Variants in REV3L observed in about 807,000 individuals in gnomAD.
The protein encoded by REV3L is DNA polymerase zeta catalytic subunit.
REV3L carries 69 observed loss-of-function variants against 299.4 expected under a neutral mutation model. The observed-to-expected ratio is 0.23, with a 90% confidence interval of 0.19 to 0.28. The LOEUF is 0.28. Ranked by LOEUF, REV3L falls within the 10% of genes least tolerant of loss-of-function variation. The pLI is 1.00. For synonymous variants in REV3L, 1,238 were observed against 1,271.4 expected (o/e 0.97, Z 0.56); for missense variants, 3,128 against 3,693.8 (o/e 0.85, Z 3.97).
intron 1 of REV3L, among the ~76,000 whole-genome samples, chr6:111,464,934 G>A (rs540126564): frequency 5.3e-5 from 8 of 151,966 alleles, no homozygotes; most frequent in African/African-American, 1.9e-4. Context: ...CCTGGGAGAC[G>A]GAGGCTGCAG....
chr6:111,478,817 T>C (rs1793260953), intron 1 of REV3L, among the ~76,000 whole-genome samples: 1 of 152,176 alleles, frequency 6.6e-6, no homozygotes, highest in South Asian at 2.1e-4. Context: ...TACCAAAATA[T>C]TCACTAAGCT....
At chr6:111,377,328 A>ATATTTATT (rs10692925) in intron 12 of REV3L, among the ~76,000 whole-genome samples, 4 of 151,348 alleles carry the variant, frequency 2.6e-5, no homozygotes, top group Non-Finnish European at 3.0e-5. Flanking sequence ...TTTCAAAATC[A>ATATTTATT]TATTTATTTA....
Position 111,363,903 on chromosome 6 carries a change from C to T in REV3L, c.6829G>A (p.Gly2277Ser), listed in dbSNP as rs750738785. The T allele has an allele frequency of 2.5e-6, 4 of 1,612,956 alleles. No homozygotes were observed. The highest frequency in any genetic ancestry group is 1.3e-5 in the African/African-American group (1 of 74,906). ...AAGTTTTGTATGCTGACTTTGAAACCGTAAGTATTGTTTAAAGATGGTCCA... is the reference window on the plus strand; with the variant it reads ...AAGTTTTGTATGCTGACTTTGAAACTGTAAGTATTGTTTAAAGATGGTCCA... The part of the protein sequence containing the change: ...IDGPSLNNTY[G>S]FKVSIQNLQE... Residue 2277 changes from glycine (G) to serine (S), a missense_variant, in exon 16 of 32, where the codon GGT becomes AGT. By Grantham distance (56) the Gly-to-Ser change is moderately conservative (BLOSUM62 0). This residue lies in a region of REV3L where 2,409 missense variants were observed against 2,611.8 expected (regional missense o/e 0.92). Transcript: ENST00000368802.
At position 111,375,108 on chromosome 6, in the gene REV3L, C is replaced by G; in HGVS notation, c.3247G>C (p.Ala1083Pro). 1 of 1,612,022 alleles carries G rather than the reference C, an allele frequency of 6.2e-7. No homozygotes were observed. Among genetic ancestry groups the G allele is most frequent in the Non-Finnish European group, 8.5e-7 (1 of 1,179,418 alleles). ...GATGGTGAGGGAGGAGAAAGAATAGCATGTGACCGTTTTTTCCTGAAAGAC... is the reference window on the plus strand; with the variant it reads ...GATGGTGAGGGAGGAGAAAGAATAGGATGTGACCGTTTTTTCCTGAAAGAC... Reference protein sequence around the residue: ...TLSFRKKRSHAILSPPSPSYN... With the variant: ...TLSFRKKRSHPILSPPSPSYN... The change falls in exon 13 of 32, where the codon GCT becomes CCT. Residue 1083 changes from alanine (A) to proline (P), a missense_variant. Physicochemically the swap from Ala to Pro is conservative, Grantham distance 27. Coordinates refer to ENST00000368802, the MANE Select transcript of REV3L (RefSeq NM_001372078.1).
chr6:111,440,226 T>A (rs184521723), intron 1 of REV3L, among the ~76,000 whole-genome samples: 43 of 152,168 alleles, frequency 2.8e-4, no homozygotes, highest in African/African-American at 1.0e-3. Context: ...TGCGCCACCA[T>A]GCCCGGCTAA....
intron 1 of REV3L, among the ~76,000 whole-genome samples, chr6:111,442,318 C>T (rs570698396): frequency 8.5e-4 from 129 of 152,256 alleles, no homozygotes; most frequent in African/African-American, 3.0e-3. Context: ...TATGTTCTCC[C>T]TTGATGTCAG....
intron 26 of REV3L, among the ~76,000 whole-genome samples, chr6:111,318,820 G>GT (rs1222476403): frequency 6.6e-6 from 1 of 151,882 alleles, no homozygotes; most frequent in Non-Finnish European, 1.5e-5. Flanking sequence ...TCTGCCCAAA[G>GT]TGCTGGGATT....
chr6:111,305,193 G>T (rs138866361), intron 31 of REV3L, among the ~76,000 whole-genome samples: 1 of 151,882 alleles, frequency 6.6e-6, no homozygotes, highest in African/African-American at 2.4e-5. Flanking sequence ...CGCCCGCCTC[G>T]GCCTCCGAAA....
intron 27 of REV3L, 112 bp from the exon 28 acceptor site, chr6:111,313,601 C>A: frequency 9.2e-7 from 1 of 1,084,324 alleles, no homozygotes; most frequent in Non-Finnish European, 1.3e-6. Flanking sequence ...TTAAAAAATT[C>A]TATATATGAC....
At chr6:111,372,532 C>T (rs1384788790) in intron 13 of REV3L, 64 bp downstream of exon 13, 1 of 1,257,290 alleles carries the variant, frequency 8.0e-7, no homozygotes, top group Admixed American at 2.8e-5. Context: ...TTTTCAATCC[C>T]CATAGCATAA....
Position 111,367,148 on chromosome 6 carries a change from G to A in REV3L, c.6640C>T (p.Pro2214Ser). ...AATGGGCTAAGGCCAGGTGCTTCAG[G>A]AAGCCTTTCCAGAAGTTTTCTCTGT... is the stretch of plus-strand genomic sequence containing the variant. ...IIQRKLLERL[P>S]EAPGLSPLST... is the part of the protein sequence containing the mutation. Residue 2214 changes from proline to serine, a missense_variant, in exon 14 of 32, where the codon CCT becomes TCT. By Grantham distance (74) the Pro-to-Ser change is moderately conservative. Coordinates refer to ENST00000368802, the MANE Select transcript of REV3L (RefSeq NM_001372078.1). 6.2e-7 allele frequency: 1 copy of A among 1,605,572 alleles called. No individual in the cohort carries two copies. The highest frequency in any genetic ancestry group is 1.7e-5 in the Admixed American group (1 of 58,018).
chr6:111,457,556 T>C (rs901983144), intron 1 of REV3L, among the ~76,000 whole-genome samples: 6 of 151,522 alleles, frequency 4.0e-5, no homozygotes, highest in African/African-American at 7.3e-5. Flanking sequence ...CTCTAAAATA[T>C]AGCTTCATCT....
At chr6:111,317,565 C>T (rs886772487) in intron 26 of REV3L, among the ~76,000 whole-genome samples, 13 of 152,144 alleles carry the variant, frequency 8.5e-5, no homozygotes, top group African/African-American at 1.2e-4. Context: ...TGGCTCACTG[C>T]GCCTCAACCT....
At chr6:111,465,340 C>T (rs1791322562) in intron 1 of REV3L, among the ~76,000 whole-genome samples, 2 of 151,400 alleles carry the variant, frequency 1.3e-5, no homozygotes, top group Admixed American at 6.6e-5. Context: ...CTCAGCCTCC[C>T]AAAGTGCTGT....
chr6:111,375,829 C>A lies in REV3L; in HGVS notation c.2526G>T (p.Glu842Asp). ...LNKRKLAGHQ[E>D]TSTKSSETGS... ...CAGTCTCACTACTTTTGGTAGAAGT[C>A]TCCTGATGACCTGCAAGTTTCCTTT... Residue 842 changes from glutamate (E) to aspartate (D), a missense_variant, in exon 13 of 32, where the codon GAG becomes GAT. Glu to Asp is a conservative substitution (Grantham distance 45, BLOSUM62 2). Around this residue, in one of 9 missense-constraint regions of REV3L, gnomAD observed 2,409 missense variants for 2,611.8 expected, o/e 0.92. Coordinates refer to ENST00000368802, the MANE Select transcript of REV3L (RefSeq NM_001372078.1). The A allele has an allele frequency of 6.2e-7, 1 of 1,613,404 alleles. No individual in the cohort carries two copies. Among genetic ancestry groups the A allele is most frequent in the South Asian group, 1.1e-5 (1 of 90,910 alleles).
At chr6:111,312,631 GTCTGCAGCC>G (rs1363678422) in intron 28 of REV3L, 2 of 152,190 alleles carry the variant, frequency 1.3e-5, no homozygotes, top group Non-Finnish European at 2.9e-5. Flanking sequence ...GATCTTGGCT[GTCTGCAGCC>G]TCCTCCTCCC....
chr6:111,328,653 T>C (rs1384929801), intron 25 of REV3L, among the ~76,000 whole-genome samples: 3 of 152,160 alleles, frequency 2.0e-5, no homozygotes, highest in African/African-American at 7.2e-5. Context: ...CAAGAATATA[T>C]ATATATTTAG....
At chr6:111,363,831 G>A in intron 16 of REV3L, 22 bp downstream of exon 16, 5 of 1,610,694 alleles carry the variant, frequency 3.1e-6, no homozygotes, top group Non-Finnish European at 4.2e-6. Flanking sequence ...CAATGTATGT[G>A]TCCTTACTGT....
chr6:111,400,505 A>G (rs1259702147), intron 4 of REV3L, among the ~76,000 whole-genome samples: 2 of 152,056 alleles, frequency 1.3e-5, no homozygotes, highest in African/African-American at 4.8e-5. Flanking sequence ...TCATCTTTTC[A>G]TGTGTTTGCC....
Sources: gnomAD v4.1 joint callset for allele counts (sites outside exome capture counted in the v4.1 genomes callset) on GRCh38, gnomAD v4.1.1 for gene constraint, gnomAD v4.1.1 regional missense constraint, MANE v1.5 for transcripts, NCBI Gene and HGNC (gene_info 2026-07-23, HGNC 2026-07-21) for gene names.